Variants in VCL observed in about 807,000 individuals in gnomAD.
The protein encoded by VCL is epididymis luminal protein 114.
In VCL, 47 loss-of-function variants were observed where a neutral mutation model predicts 125.7. The ratio of observed to expected loss-of-function variants is 0.37; its 90% CI spans 0.30 to 0.48. VCL has a LOEUF of 0.48. Among genes scored for constraint, VCL ranks in the 20% least tolerant of loss-of-function variants. The probability of loss-of-function intolerance (pLI) is 0.99; values close to 1 mark genes in which losing one functional copy is unlikely to be tolerated. For missense variants in VCL, 1,069 were observed against 1,455.5 expected, an observed-to-expected ratio of 0.73 and a Z score of 4.32; for synonymous variants, 458 against 514.6, an observed-to-expected ratio of 0.89 and a Z score of 1.49.
At position 74,100,930 on chromosome 10, in the gene VCL, A is replaced by C; in HGVS notation, c.1873-18A>C. The C allele has an allele frequency of 6.2e-7, 1 of 1,613,718 alleles. No homozygotes were observed. The highest frequency in any genetic ancestry group is 8.5e-7 in the Non-Finnish European group (1 of 1,179,920). On this transcript the variant is annotated intron_variant, in intron 13 of 21. Transcript: ENST00000211998. ...TTTTATTGAAATAAATGTTCTTAAT[A>C]TCTGTTTTTTCCTCAAGGTATTTGA... is the stretch of plus-strand genomic sequence containing the variant.
At chr10:74,072,119 A>C (rs551994550) in intron 4 of VCL, among the ~76,000 whole-genome samples, 1 of 152,356 alleles carries the variant, frequency 6.6e-6, no homozygotes, top group East Asian at 1.9e-4. Context: ...CCTTTGAATA[A>C]CAACCAACAT....
chr10:74,048,091 A>G (rs1384326537), intron 2 of VCL, among the ~76,000 whole-genome samples: 4 of 152,224 alleles, frequency 2.6e-5, no homozygotes, highest in African/African-American at 9.6e-5. Context: ...GAAACTGCCC[A>G]GATTGTCATA....
At chr10:74,038,217 G>T (rs538847897) in intron 1 of VCL, among the ~76,000 whole-genome samples, 3 of 151,974 alleles carry the variant, frequency 2.0e-5, no homozygotes, top group Non-Finnish European at 4.4e-5. Context: ...GGGTGGTCTC[G>T]AATTCCTGAT....
intron 7 of VCL, 24 bp from the exon 8 acceptor site, chr10:74,083,341 GT>G (rs1564526273): frequency 6.2e-7 from 1 of 1,612,936 alleles, no homozygotes; most frequent in Non-Finnish European, 8.5e-7. Flanking sequence ...CAACAATGTA[GT>G]TATTGAATAT....
intron 1 of VCL, among the ~76,000 whole-genome samples, chr10:74,035,716 G>A (rs1271021008): frequency 6.6e-6 from 1 of 152,142 alleles, no homozygotes; most frequent in Non-Finnish European, 1.5e-5. Context: ...AGTTTCTCTC[G>A]GCAATGGAAT....
chr10:74,100,340 A>G (rs17743339), intron 13 of VCL, among the ~76,000 whole-genome samples: 119,143 of 152,240 alleles, frequency 0.78, 48,053 homozygotes, highest in African/African-American at 0.95. Context: ...TAAGTAGATG[A>G]TTTTGCATTT....
intron 6 of VCL, among the ~76,000 whole-genome samples, chr10:74,079,082 A>C (rs759552795): frequency 2.6e-5 from 4 of 152,212 alleles, no homozygotes; most frequent in Non-Finnish European, 5.9e-5. Context: ...GTTTAATTTA[A>C]GGAGTGTTTC....
At chr10:74,113,827 G>C (rs1374176208) in intron 19 of VCL, among the ~76,000 whole-genome samples, 1 of 152,162 alleles carries the variant, frequency 6.6e-6, no homozygotes, top group Non-Finnish European at 1.5e-5. Flanking sequence ...GATTAACCTG[G>C]AGATGCCAAA....
At chr10:74,079,248 G>C (rs1839640862) in intron 6 of VCL, among the ~76,000 whole-genome samples, 1 of 152,134 alleles carries the variant, frequency 6.6e-6, no homozygotes, top group African/African-American at 2.4e-5. Context: ...GGAGGACCCA[G>C]ATAGATTCAG....
intron 1 of VCL, among the ~76,000 whole-genome samples, chr10:74,023,174 CA>C (rs1840704533): frequency 6.6e-6 from 1 of 152,162 alleles, no homozygotes; most frequent in Non-Finnish European, 1.5e-5. Context: ...GAGGTTTCAA[CA>C]AAAGGCTGCA....
chr10:74,117,633 AAG>A, intron 21 of VCL, among the ~76,000 whole-genome samples: 1 of 152,070 alleles, frequency 6.6e-6, no homozygotes, highest in South Asian at 2.1e-4. Context: ...GCCTGGATGA[AAG>A]AGAAAGACCC....
At chr10:74,009,610 T>A (rs1167690934) in intron 1 of VCL, among the ~76,000 whole-genome samples, 1 of 151,948 alleles carries the variant, frequency 6.6e-6, no homozygotes, top group East Asian at 1.9e-4. Flanking sequence ...TGTCTTACCT[T>A]ATTTATTAAT....
intron 13 of VCL, among the ~76,000 whole-genome samples, chr10:74,098,558 G>C (rs1413570978): frequency 6.6e-6 from 1 of 152,174 alleles, no homozygotes; most frequent in African/African-American, 2.4e-5. Context: ...GGAGAGCTTT[G>C]CTATGCCTCA....
chr10:74,107,112 G>A (rs959915195), intron 16 of VCL, 118 bp from the exon 17 acceptor site: 15 of 1,536,540 alleles, frequency 9.8e-6, no homozygotes, highest in Non-Finnish European at 1.3e-5. Context: ...CACTGCCCGT[G>A]ATATTTACTG....
chr10:73,998,432 G>T, intron 1 of VCL, 57 bp downstream of exon 1: 4 of 1,313,586 alleles, frequency 3.0e-6, no homozygotes, highest in Non-Finnish European at 3.9e-6. Flanking sequence ...CGGGGCCCCG[G>T]CCCGCGTCGC....
chr10:74,114,406 T>C lies in VCL; in HGVS notation c.3153+19T>C, dbSNP rs1564535698. On this transcript the variant is annotated intron_variant, in intron 20 of 21. Coordinates refer to ENST00000211998, the MANE Select transcript of VCL (RefSeq NM_014000.3). ...CTTACAGGTACTCGGGGAAAGAGGC[T>C]GCGTGTGTGTGTGTGTGTGTGTGTG... is the stretch of plus-strand genomic sequence containing the variant. 6.3e-7 allele frequency: 1 copy of C among 1,583,074 alleles called. No individual in the cohort carries two copies. Among genetic ancestry groups the C allele is most frequent in the South Asian group, 1.1e-5 (1 of 90,098 alleles).
chr10:74,039,324 A>G (rs996469514), intron 1 of VCL, among the ~76,000 whole-genome samples: 4 of 145,760 alleles, frequency 2.7e-5, no homozygotes, highest in Non-Finnish European at 5.9e-5. Context: ...ACACAATTCT[A>G]TTCTTTTCTC....
intron 2 of VCL, among the ~76,000 whole-genome samples, chr10:74,046,803 G>A (rs919307786): frequency 6.6e-6 from 1 of 152,126 alleles, no homozygotes; most frequent in African/African-American, 2.4e-5. Flanking sequence ...AGTGGATTTT[G>A]TCAGGAAACT....
intron 1 of VCL, among the ~76,000 whole-genome samples, chr10:74,002,839 G>A (rs1840253354): frequency 6.8e-6 from 1 of 146,668 alleles, no homozygotes; most frequent in Non-Finnish European, 1.5e-5. Context: ...CTGAGATCTT[G>A]CCACTGCATT....
Sources: gnomAD v4.1 joint callset for allele counts (sites outside exome capture counted in the v4.1 genomes callset) on GRCh38, gnomAD v4.1.1 for gene constraint, MANE v1.5 for transcripts, NCBI Gene and HGNC (gene_info 2026-07-23, HGNC 2026-07-21) for gene names.